Variants in ITFG1 observed in about 807,000 individuals in gnomAD.
ITFG1 encodes the protein T-cell immunomodulatory protein.
In ITFG1, 34 loss-of-function variants were observed where a neutral mutation model predicts 81.8. That is an observed-to-expected ratio of 0.42 (90% CI 0.32 to 0.55). The LOEUF is 0.55. Among genes scored for constraint, ITFG1 ranks in the 20% least tolerant of loss-of-function variants. ITFG1 has a pLI of 0.17. For missense variants in ITFG1, 672 were observed against 755.4 expected, an observed-to-expected ratio of 0.89 and a Z score of 1.29; for synonymous variants, 285 against 270.6, an observed-to-expected ratio of 1.05 and a Z score of -0.52.
At chr16:47,214,122 G>A (rs1483337868) in intron 14 of ITFG1, among the ~76,000 whole-genome samples, 1 of 152,196 alleles carries the variant, frequency 6.6e-6, no homozygotes, top group Non-Finnish European at 1.5e-5. Flanking sequence ...TTGTGTTGGA[G>A]AACAGGTTGA....
Position 47,160,521 on chromosome 16 carries a change from A to G in ITFG1, c.1661+1229T>C, listed in dbSNP as rs891938928. Among the ~76,000 whole-genome samples the G allele has an allele frequency of 5.3e-5, 8 of 152,074 alleles. No individual in the cohort carries two copies. The East Asian group carries it at 1.5e-3, about 29-fold the overall frequency. On this transcript the variant is annotated intron_variant, in intron 16 of 17. Coordinates refer to ENST00000320640, the MANE Select transcript of ITFG1 (RefSeq NM_030790.5). ...ATATAGTTTCCTACTCATGGTCCAGATTTTCTAGTTTTACTGTAAATTTCA... is the reference window on the plus strand; with the variant it reads ...ATATAGTTTCCTACTCATGGTCCAGGTTTTCTAGTTTTACTGTAAATTTCA...
intron 8 of ITFG1, among the ~76,000 whole-genome samples, chr16:47,338,727 TA>T (rs970370990): frequency 1.2e-4 from 18 of 152,204 alleles, no homozygotes; most frequent in Admixed American, 2.0e-4. Flanking sequence ...TTACATGATG[TA>T]TTTTGATACA....
intron 6 of ITFG1, among the ~76,000 whole-genome samples, chr16:47,383,092 T>G (rs1968415701): frequency 6.6e-6 from 1 of 152,180 alleles, no homozygotes; most frequent in South Asian, 2.1e-4. Context: ...TTTAATATTT[T>G]CAATATTGGA....
intron 16 of ITFG1, 169 bp downstream of exon 16, chr16:47,161,581 G>T: frequency 2.3e-6 from 1 of 434,910 alleles, no homozygotes. Context: ...AAATGTCTGG[G>T]ACCTTTTATG....
intron 6 of ITFG1, among the ~76,000 whole-genome samples, chr16:47,428,114 C>T (rs536743720): frequency 3.3e-5 from 5 of 152,062 alleles, no homozygotes; most frequent in East Asian, 1.9e-4. Context: ...CTCCAGCCTG[C>T]GGAACAGAGT....
At chr16:47,346,856 C>A (rs1967862296) in intron 8 of ITFG1, among the ~76,000 whole-genome samples, 1 of 152,216 alleles carries the variant, frequency 6.6e-6, no homozygotes, top group Admixed American at 6.5e-5. Context: ...AATACCAATT[C>A]TCAGAGTATT....
chr16:47,302,581 A>G (rs1253843250), intron 10 of ITFG1, among the ~76,000 whole-genome samples: 2 of 152,174 alleles, frequency 1.3e-5, no homozygotes, highest in Non-Finnish European at 2.9e-5. Flanking sequence ...CACTAGACAC[A>G]GACAATTTAA....
At position 47,311,304 on chromosome 16, in the gene ITFG1, T is replaced by A; in HGVS notation, c.1006A>T (p.Ile336Phe). The change falls in exon 10 of 18, where the codon ATT becomes TTT. Residue 336 changes from isoleucine (I) to phenylalanine (F), a missense_variant. By Grantham distance (21) the Ile-to-Phe change is conservative. Coordinates refer to ENST00000320640, the MANE Select transcript of ITFG1 (RefSeq NM_030790.5). ...TAGCCATCCATATTGTAGTCTCCAA[T>A]ATGAAGGGTAATTGGAATTGGTATT... ...TEIPIPITLH[I>F]GDYNMDGYPD... The A allele has an allele frequency of 2.5e-6, 4 of 1,613,530 alleles. No homozygotes were observed. The highest frequency in any genetic ancestry group is 3.4e-6 in the Non-Finnish European group (4 of 1,179,506).
At chr16:47,283,245 A>G (rs1966468940) in intron 10 of ITFG1, among the ~76,000 whole-genome samples, 1 of 151,982 alleles carries the variant, frequency 6.6e-6, no homozygotes, top group South Asian at 2.1e-4. Context: ...ATCCACCTTG[A>G]GTTAATTTTT....
chr16:47,326,455 T>A (rs922809378), intron 8 of ITFG1, among the ~76,000 whole-genome samples: 2 of 152,154 alleles, frequency 1.3e-5, no homozygotes, highest in African/African-American at 2.4e-5. Flanking sequence ...TTCAAAATAG[T>A]GTTGGAAGTT....
intron 7 of ITFG1, among the ~76,000 whole-genome samples, chr16:47,374,246 T>C (rs1596940278): frequency 6.6e-6 from 1 of 152,236 alleles, no homozygotes. Flanking sequence ...AAATACTTTT[T>C]TCTTTAAAAG....
chr16:47,452,825 G>A lies in ITFG1; in HGVS notation c.428-35C>T, dbSNP rs1969406396. ...AGATATATATATATATGAATTAGCA[G>A]GCATTTTATATTACTTTTGATATCT... On this transcript the variant is annotated intron_variant, in intron 3 of 17. Transcript: ENST00000320640. 4 of 1,124,586 alleles carry A rather than the reference G, an allele frequency of 3.6e-6. No homozygotes were observed. In the South Asian group the frequency reaches 4.7e-5, roughly 13 times the overall value. 69.7% of individuals were successfully genotyped at this position (1,124,586 alleles called of 1,614,324 possible).
chr16:47,325,306 C>T (rs1214682433), intron 8 of ITFG1, among the ~76,000 whole-genome samples: 3 of 152,160 alleles, frequency 2.0e-5, no homozygotes, highest in African/African-American at 7.2e-5. Context: ...ACCAGAATCT[C>T]TGGGACACAT....
intron 8 of ITFG1, among the ~76,000 whole-genome samples, chr16:47,354,580 G>A (rs538011953): frequency 1.3e-5 from 2 of 152,152 alleles, no homozygotes; most frequent in South Asian, 4.1e-4. Flanking sequence ...AAAAGCTTCT[G>A]CACATCAAAG....
chr16:47,170,891 C>T (rs1310018445), intron 14 of ITFG1, among the ~76,000 whole-genome samples: 3 of 151,704 alleles, frequency 2.0e-5, no homozygotes, highest in Non-Finnish European at 2.9e-5. Flanking sequence ...TACACCACCA[C>T]ACCCAGCTAA....
At position 47,258,231 on chromosome 16, in the gene ITFG1, A is replaced by G. The variant is rs377563584; in HGVS notation, c.1330+401T>C. 6.3e-3 allele frequency among the ~76,000 whole-genome samples: 963 copies of G among 152,222 alleles called. 77 individuals carry two copies. In the South Asian group the frequency reaches 0.17, roughly 26 times the overall value. ...AGAAATGCACAGCATCAATTCTGCA[A>G]CTCCTTGCAGTGGAATTTCTGCAAA... On this transcript the variant is annotated intron_variant, in intron 12 of 17. Coordinates refer to ENST00000320640, the MANE Select transcript of ITFG1 (RefSeq NM_030790.5).
intron 14 of ITFG1, among the ~76,000 whole-genome samples, chr16:47,206,298 A>C (rs1177073430): frequency 6.6e-6 from 1 of 152,240 alleles, no homozygotes; most frequent in Non-Finnish European, 1.5e-5. Flanking sequence ...CTCACCAGTC[A>C]TCTTTCTCAG....
At chr16:47,384,782 T>G (rs1019967883) in intron 6 of ITFG1, among the ~76,000 whole-genome samples, 5 of 152,184 alleles carry the variant, frequency 3.3e-5, no homozygotes, top group African/African-American at 9.7e-5. Flanking sequence ...ATTGGAGAGA[T>G]AAACACAAAT....
intron 14 of ITFG1, among the ~76,000 whole-genome samples, chr16:47,192,865 G>A (rs1009655263): frequency 6.6e-6 from 1 of 152,186 alleles, no homozygotes; most frequent in Non-Finnish European, 1.5e-5. Context: ...GGTACTCTAA[G>A]GCTGGGCCTC....
Sources: gnomAD v4.1 joint callset for allele counts (sites outside exome capture counted in the v4.1 genomes callset) on GRCh38, gnomAD v4.1.1 for gene constraint, MANE v1.5 for transcripts, NCBI Gene and HGNC (gene_info 2026-07-23, HGNC 2026-07-21) for gene names.